UNC5D: variants seen among roughly 807,000 people sequenced by gnomAD.
The protein encoded by UNC5D is unc-5 netrin receptor D.
Under a neutral mutation model 105.4 loss-of-function variants are expected in UNC5D, and 39 were observed. The ratio of observed to expected loss-of-function variants is 0.37; its 90% CI spans 0.29 to 0.48. UNC5D has a LOEUF of 0.48. UNC5D is among the 20% of genes least tolerant of loss of function. The probability of loss-of-function intolerance (pLI) is 0.98; values close to 1 mark genes in which losing one functional copy is unlikely to be tolerated. For missense variants in UNC5D, 991 were observed against 1,202.4 expected (o/e 0.82, Z 2.60); for synonymous variants, 452 against 450.4 (o/e 1.00, Z -0.04).
rs147457983 is a variant in UNC5D at position 35,454,580 on chromosome 8, T to C, written c.104-94712T>C. On this transcript the variant is annotated intron_variant, in intron 1 of 16. Transcript: ENST00000404895. ...ATAAAGAAATATTATTAAAAAATTC[T>C]AATCTTCTATTAGTTTTCCCATATA... Among the ~76,000 whole-genome samples the C allele has an allele frequency of 3.4e-3, 515 of 152,300 alleles. 1 individual carries two copies. Among genetic ancestry groups the C allele is most frequent in the Non-Finnish European group, 5.8e-3 (392 of 68,030 alleles).
chr8:35,402,407 G>A (rs112656214), intron 1 of UNC5D, among the ~76,000 whole-genome samples: 3,531 of 151,978 alleles, frequency 0.023, 142 homozygotes, highest in African/African-American at 0.082. Context: ...ATCTTATCTC[G>A]TAAGACTTAC....
intron 1 of UNC5D, among the ~76,000 whole-genome samples, chr8:35,257,652 G>A (rs1347305620): frequency 3.9e-5 from 6 of 152,036 alleles, no homozygotes; most frequent in East Asian, 1.9e-4. Context: ...CCAAATTGTC[G>A]CCTCAGGTAA....
intron 2 of UNC5D, among the ~76,000 whole-genome samples, chr8:35,553,982 C>T (rs754847641): frequency 2.0e-5 from 3 of 152,154 alleles, no homozygotes; most frequent in Non-Finnish European, 4.4e-5. Flanking sequence ...TCGAAAGTAA[C>T]TCCTTATGTC....
intron 15 of UNC5D, among the ~76,000 whole-genome samples, chr8:35,773,437 A>G (rs1802096911): frequency 6.6e-6 from 1 of 152,218 alleles, no homozygotes. Flanking sequence ...TTTGAAATAA[A>G]GATACTTATT....
At chr8:35,566,190 A>G (rs771994519) in intron 2 of UNC5D, among the ~76,000 whole-genome samples, 4 of 152,200 alleles carry the variant, frequency 2.6e-5, no homozygotes, top group Non-Finnish European at 4.4e-5. Flanking sequence ...TCCTCCTACA[A>G]ATTTAGAAAG....
At chr8:35,697,335 GTT>G (rs34967495) in intron 7 of UNC5D, among the ~76,000 whole-genome samples, 18 of 139,318 alleles carry the variant, frequency 1.3e-4, no homozygotes, top group Middle Eastern at 7.6e-3. Flanking sequence ...TTCAGATTAT[GTT>G]TTTTTTTTTT....
chr8:35,703,770 T>TTAG (rs1439397051), intron 7 of UNC5D, among the ~76,000 whole-genome samples: 1 of 152,216 alleles, frequency 6.6e-6, no homozygotes, highest in African/African-American at 2.4e-5. Context: ...TCAGTCAGAG[T>TTAG]TCTAAACAGA....
At chr8:35,485,526 C>A (rs1299157158) in intron 1 of UNC5D, among the ~76,000 whole-genome samples, 1 of 152,014 alleles carries the variant, frequency 6.6e-6, no homozygotes, top group African/African-American at 2.4e-5. Flanking sequence ...GAAGCACAGA[C>A]AAGTGTTATG....
intron 1 of UNC5D, among the ~76,000 whole-genome samples, chr8:35,238,914 G>A (rs1802633588): frequency 6.6e-6 from 1 of 152,156 alleles, no homozygotes; most frequent in South Asian, 2.1e-4. Context: ...CTTAATGAAT[G>A]TTGTGAGGCC....
In UNC5D at chr8:35,506,574, G is replaced by T. The variant is rs1175883854; in HGVS notation, c.104-42718G>T. Among the ~76,000 whole-genome samples the T allele has an allele frequency of 3.3e-5, 5 of 152,228 alleles. No homozygotes were observed. In the East Asian group the frequency reaches 9.6e-4, roughly 29 times the overall value. ...TGAGGACTGAAGATTTAAACAGTTA[G>T]CCTGAGGTCACAGAGTTAGGGAATG... On this transcript the variant is annotated intron_variant, in intron 1 of 16. Coordinates refer to ENST00000404895, the MANE Select transcript of UNC5D (RefSeq NM_080872.4).
intron 1 of UNC5D, among the ~76,000 whole-genome samples, chr8:35,436,254 G>A (rs1157957217): frequency 1.3e-5 from 2 of 151,594 alleles, no homozygotes; most frequent in African/African-American, 4.8e-5. Flanking sequence ...TATACACTGG[G>A]GTCTATAAGT....
Position 35,796,446 on chromosome 8 carries a change from A to C in UNC5D, c.*5883A>C, listed in dbSNP as rs532571850. 2.0e-5 allele frequency: 3 copies of C among 151,480 alleles called. No homozygotes were observed. Among genetic ancestry groups the C allele is most frequent in the Admixed American group, 2.0e-4 (3 of 15,190 alleles). 9.4% of individuals were successfully genotyped at this position (151,480 alleles called of 1,614,324 possible). ...CGAGTTTGCAAAAAAAAAAAAAAAA[A>C]AAAAAACTGGATGGTTGCAGACTTT... On this transcript the variant is annotated 3_prime_UTR_variant, in exon 17 of 17. Transcript: ENST00000404895.
intron 1 of UNC5D, among the ~76,000 whole-genome samples, chr8:35,539,293 A>T (rs1369555571): frequency 6.6e-6 from 1 of 152,144 alleles, no homozygotes; most frequent in Non-Finnish European, 1.5e-5. Flanking sequence ...ATTTTTCTAT[A>T]ATTTAGTATA....
intron 3 of UNC5D, among the ~76,000 whole-genome samples, chr8:35,593,108 G>A (rs1391637770): frequency 6.7e-5 from 10 of 149,970 alleles, no homozygotes; most frequent in African/African-American, 1.5e-4. Context: ...TTATACAAAC[G>A]TGTATAAATA....
chr8:35,306,659 A>G (rs563989778), intron 1 of UNC5D, among the ~76,000 whole-genome samples: 2 of 152,256 alleles, frequency 1.3e-5, no homozygotes, highest in Admixed American at 6.6e-5. Context: ...TTAGATTTAC[A>G]TTGGGAATTA....
intron 7 of UNC5D, among the ~76,000 whole-genome samples, chr8:35,691,211 C>T (rs2131373537): frequency 6.6e-6 from 1 of 152,248 alleles, no homozygotes; most frequent in Non-Finnish European, 1.5e-5. Flanking sequence ...ACGGCTGGCA[C>T]AGTGGCTTAT....
chr8:35,703,317 A>C (rs16884261), intron 7 of UNC5D, among the ~76,000 whole-genome samples: 2,144 of 152,264 alleles, frequency 0.014, 37 homozygotes, highest in African/African-American at 0.049. Flanking sequence ...TCCAGTTATC[A>C]TGCTTAATCA....
intron 1 of UNC5D, among the ~76,000 whole-genome samples, chr8:35,328,273 T>G (rs1238813889): frequency 4.6e-5 from 7 of 152,212 alleles, no homozygotes; most frequent in Admixed American, 4.6e-4. Context: ...AGCTGTTTAA[T>G]AATCCCTTCA....
chr8:35,355,033 G>T (rs149098079), intron 1 of UNC5D, among the ~76,000 whole-genome samples: 1 of 152,100 alleles, frequency 6.6e-6, no homozygotes, highest in Non-Finnish European at 1.5e-5. Flanking sequence ...AATGAGAACT[G>T]CCAGTCTCTT....
Sources: gnomAD v4.1 joint callset for allele counts (sites outside exome capture counted in the v4.1 genomes callset) on GRCh38, gnomAD v4.1.1 for gene constraint, MANE v1.5 for transcripts, NCBI Gene and HGNC (gene_info 2026-07-23, HGNC 2026-07-21) for gene names.